The following KCNIP4 variants were observed in gnomAD, a reference collection of about 807,000 sequenced individuals.
The protein encoded by KCNIP4 is potassium voltage-gated channel interacting protein 4, also known as Kv channel-interacting protein 4.
A neutral mutation model predicts 34.0 loss-of-function variants in KCNIP4; 12 were observed. That is an observed-to-expected ratio of 0.35 (90% CI 0.23 to 0.57). The LOEUF is 0.57. Ranked by LOEUF, KCNIP4 falls within the 20% of genes least tolerant of loss-of-function variation. The pLI is 0.83. For missense variants in KCNIP4, 238 were observed against 311.7 expected (o/e 0.76, Z 1.78); for synonymous variants, 124 against 102.2 (o/e 1.21, Z -1.29).
At chr4:21,434,826 G>A (rs1300562916) in intron 1 of KCNIP4, among the ~76,000 whole-genome samples, 1 of 151,322 alleles carries the variant, frequency 6.6e-6, no homozygotes, top group Non-Finnish European at 1.5e-5. Context: ...GAAAAGGTTG[G>A]GGACCACCGA....
chr4:21,802,945 A>G (rs763315520), intron 1 of KCNIP4, among the ~76,000 whole-genome samples: 2 of 152,152 alleles, frequency 1.3e-5, no homozygotes, highest in African/African-American at 4.8e-5. Flanking sequence ...AAAATGGCCA[A>G]TTATCACAAC....
chr4:21,346,080 T>TATATAAAACAA (rs1461577641), intron 1 of KCNIP4, among the ~76,000 whole-genome samples: 3 of 127,244 alleles, frequency 2.4e-5, no homozygotes, highest in East Asian at 6.0e-4. Flanking sequence ...ATATATATAT[T>TATATAAAACAA]TAAGATATTT....
intron 1 of KCNIP4, among the ~76,000 whole-genome samples, chr4:21,317,655 T>C (rs948626165): frequency 6.6e-6 from 1 of 152,198 alleles, no homozygotes; most frequent in Non-Finnish European, 1.5e-5. Context: ...AGAAACATTT[T>C]GGAGATCCTC....
chr4:21,829,368 G>T (rs762160407), intron 1 of KCNIP4, among the ~76,000 whole-genome samples: 111 of 151,948 alleles, frequency 7.3e-4, no homozygotes, highest in Non-Finnish European at 5.6e-4. Flanking sequence ...TTAAATCCTT[G>T]TATAGCTTGA....
chr4:21,326,838 G>A (rs1472611038), intron 1 of KCNIP4, among the ~76,000 whole-genome samples: 4 of 151,764 alleles, frequency 2.6e-5, no homozygotes, highest in Non-Finnish European at 5.9e-5. Flanking sequence ...AGGTTACTAT[G>A]AGACTTGCAA....
intron 1 of KCNIP4, among the ~76,000 whole-genome samples, chr4:21,002,916 T>G (rs913132686): frequency 3.9e-5 from 6 of 152,220 alleles, no homozygotes; most frequent in African/African-American, 1.4e-4. Flanking sequence ...GATCACATCT[T>G]AACCTATTAT....
chr4:20,917,021 A>T lies in KCNIP4; in HGVS notation c.62-34312T>A, dbSNP rs867229077. Reference sequence around the variant, plus strand: ...TATATATATATATATATATATATATATATATATATATATATATATATATAT... The same window carrying T: ...TATATATATATATATATATATATATTTATATATATATATATATATATATAT... On this transcript the variant is annotated intron_variant, in intron 1 of 8. Coordinates refer to ENST00000382152, the MANE Select transcript of KCNIP4 (RefSeq NM_025221.6). Among the ~76,000 whole-genome samples, 6 of 27,682 alleles carry T rather than the reference A, an allele frequency of 2.2e-4. 1 individual carries two copies. Among genetic ancestry groups the T allele is most frequent in the African/African-American group, 5.2e-4 (5 of 9,606 alleles). 18.2% of individuals were successfully genotyped at this position (27,682 alleles called of 152,430 possible). A position where few individuals can be genotyped will look rare whatever the true frequency, so the allele number is the denominator to read the frequency against.
chr4:21,691,353 T>A (rs1049054293), intron 1 of KCNIP4, among the ~76,000 whole-genome samples: 12 of 152,144 alleles, frequency 7.9e-5, no homozygotes, highest in African/African-American at 2.7e-4. Context: ...GTCTGGAAGC[T>A]TTCTAGACAC....
At chr4:21,250,763 T>C (rs571762793) in intron 1 of KCNIP4, among the ~76,000 whole-genome samples, 34 of 152,174 alleles carry the variant, frequency 2.2e-4, no homozygotes, top group Admixed American at 2.0e-3. Flanking sequence ...CTAGGAGATC[T>C]GACCCAGTAG....
At chr4:21,081,233 A>C (rs1745978518) in intron 1 of KCNIP4, among the ~76,000 whole-genome samples, 1 of 151,826 alleles carries the variant, frequency 6.6e-6, no homozygotes, top group Non-Finnish European at 1.5e-5. Context: ...TTGACTTTAA[A>C]AGAAGCTTCT....
intron 1 of KCNIP4, among the ~76,000 whole-genome samples, chr4:21,792,000 CAAAAAAAAAAAAAAAA>C (rs71193407): frequency 6.7e-5 from 4 of 59,748 alleles, no homozygotes; most frequent in African/African-American, 1.5e-4. Context: ...GACTCCGTCT[CAAAAAAAAAAAAAAAA>C]AAAAAAAAAA....
chr4:21,109,407 G>T (rs4555633), intron 1 of KCNIP4, among the ~76,000 whole-genome samples: 43,459 of 142,000 alleles, frequency 0.31, 6,488 homozygotes, highest in African/African-American at 0.44. Context: ...CTCTGAGCCA[G>T]GTGCGGGATA....
chr4:21,506,166 G>A (rs10016199), intron 1 of KCNIP4, among the ~76,000 whole-genome samples: 10,288 of 152,212 alleles, frequency 0.068, 1,067 homozygotes, highest in African/African-American at 0.23. Flanking sequence ...TGTGCTTAAA[G>A]CAGTTATCCT....
At chr4:21,087,703 C>T (rs1377564003) in intron 1 of KCNIP4, among the ~76,000 whole-genome samples, 5 of 152,120 alleles carry the variant, frequency 3.3e-5, no homozygotes, top group South Asian at 2.1e-4. Flanking sequence ...AGGTTTATAT[C>T]GCTCTTGCCA....
intron 1 of KCNIP4, among the ~76,000 whole-genome samples, chr4:21,505,162 G>A (rs1733728231): frequency 6.6e-6 from 1 of 151,944 alleles, no homozygotes; most frequent in Admixed American, 6.6e-5. Flanking sequence ...GGTCCACAGA[G>A]CATCTTAAAG....
At position 20,842,581 on chromosome 4, in the gene KCNIP4, C is replaced by CAAAAAAAAAAAAAAAAAAAAAAAA. The variant is rs59134256; in HGVS notation, c.288+7938_288+7961dup. On this transcript the variant is annotated intron_variant, in intron 3 of 8. Coordinates refer to ENST00000382152, the MANE Select transcript of KCNIP4 (RefSeq NM_025221.6). ...GGCAATTGAGTCTCTCTTCTAATGG[C>CAAAAAAAAAAAAAAAAAAAAAAAA]AAAAAAAAAAAAAAAAAAAAAAAAA... is the stretch of plus-strand genomic sequence containing the variant. Among the ~76,000 whole-genome samples, 3 of 69,688 alleles carry CAAAAAAAAAAAAAAAAAAAAAAAA rather than the reference C, an allele frequency of 4.3e-5. 1 individual carries two copies. Among genetic ancestry groups the CAAAAAAAAAAAAAAAAAAAAAAAA allele is most frequent in the African/African-American group, 1.8e-4 (3 of 17,050 alleles). 45.7% of individuals were successfully genotyped at this position (69,688 alleles called of 152,430 possible). A position where few individuals can be genotyped will look rare whatever the true frequency, so the allele number is the denominator to read the frequency against.
At chr4:21,740,058 C>A (rs1577924981) in intron 1 of KCNIP4, among the ~76,000 whole-genome samples, 1 of 151,834 alleles carries the variant, frequency 6.6e-6, no homozygotes, top group East Asian at 1.9e-4. Flanking sequence ...GTAACTACAG[C>A]CAAGCAACTT....
chr4:21,419,571 T>C (rs1003759825), intron 1 of KCNIP4, among the ~76,000 whole-genome samples: 1 of 152,168 alleles, frequency 6.6e-6, no homozygotes, highest in Non-Finnish European at 1.5e-5. Context: ...TAAAATTATG[T>C]AGGTACAGTA....
chr4:21,186,508 A>C (rs1755241803), intron 1 of KCNIP4, among the ~76,000 whole-genome samples: 1 of 152,240 alleles, frequency 6.6e-6, no homozygotes, highest in Non-Finnish European at 1.5e-5. Context: ...AGCATCTCTA[A>C]GTGAAATTGG....
Sources: gnomAD v4.1 joint callset for allele counts (sites outside exome capture counted in the v4.1 genomes callset) on GRCh38, gnomAD v4.1.1 for gene constraint, MANE v1.5 for transcripts, NCBI Gene and HGNC (gene_info 2026-07-23, HGNC 2026-07-21) for gene names.